GRIP1: variants seen among roughly 807,000 people sequenced by gnomAD.
GRIP1 encodes the protein glutamate receptor interacting protein 1, also known as glutamate receptor-interacting protein 1.
A neutral mutation model predicts 129.9 loss-of-function variants in GRIP1; 45 were observed. That is an observed-to-expected ratio of 0.35 (90% CI 0.27 to 0.44). The LOEUF is 0.44. GRIP1 is among the 20% of genes least tolerant of loss of function. The pLI is 1.00. For synonymous variants in GRIP1, 530 were observed against 520.8 expected (o/e 1.02, Z -0.24); for missense variants, 1,196 against 1,396.8 (o/e 0.86, Z 2.29).
intron 1 of GRIP1, among the ~76,000 whole-genome samples, chr12:66,893,737 T>G (rs2040699910): frequency 6.6e-6 from 1 of 152,216 alleles, no homozygotes; most frequent in Admixed American, 6.5e-5. Context: ...GCAATGTGAT[T>G]GCAGAGTCAA....
intron 5 of GRIP1, among the ~76,000 whole-genome samples, chr12:66,522,232 C>G (rs1195266152): frequency 6.6e-6 from 1 of 152,224 alleles, no homozygotes; most frequent in African/African-American, 2.4e-5. Context: ...CCCGAGCAGA[C>G]TAACTGGGAG....
chr12:66,350,590 C>T (rs1175399696), intron 24 of GRIP1, among the ~76,000 whole-genome samples: 1 of 152,226 alleles, frequency 6.6e-6, no homozygotes, highest in African/African-American at 2.4e-5. Context: ...CCAAGGGCAA[C>T]TTGTCCTAAA....
intron 1 of GRIP1, among the ~76,000 whole-genome samples, chr12:67,031,772 T>G (rs749050545): frequency 2.4e-4 from 36 of 152,156 alleles, no homozygotes; most frequent in Non-Finnish European, 4.4e-4. Flanking sequence ...CTCTCTCATC[T>G]CTTCTTTCTT....
chr12:66,584,527 C>T (rs1394419963), intron 2 of GRIP1, among the ~76,000 whole-genome samples: 1 of 152,060 alleles, frequency 6.6e-6, no homozygotes, highest in Non-Finnish European at 1.5e-5. Context: ...GAGCTGAGGT[C>T]ACGCCATTGC....
At chr12:67,059,357 C>G (rs566766418) in intron 1 of GRIP1, among the ~76,000 whole-genome samples, 43 of 152,290 alleles carry the variant, frequency 2.8e-4, no homozygotes, top group Non-Finnish European at 5.6e-4. Context: ...ATTCAAAGAT[C>G]AAATAGGAAA....
intron 1 of GRIP1, among the ~76,000 whole-genome samples, chr12:67,064,027 A>G (rs2135898255): frequency 6.6e-6 from 1 of 152,340 alleles, no homozygotes; most frequent in East Asian, 1.9e-4. Context: ...AAAAAAAAGG[A>G]AAAATATGCA....
At chr12:66,949,889 C>A (rs952028140) in intron 1 of GRIP1, among the ~76,000 whole-genome samples, 1 of 151,652 alleles carries the variant, frequency 6.6e-6, no homozygotes, top group Non-Finnish European at 1.5e-5. Flanking sequence ...TGCCTCAGCC[C>A]CCCCGAGTAG....
chr12:66,778,734 G>A (rs1388097430), intron 1 of GRIP1, among the ~76,000 whole-genome samples: 6 of 152,164 alleles, frequency 3.9e-5, no homozygotes, highest in African/African-American at 9.7e-5. Flanking sequence ...AGTGCTGGAG[G>A]TGCTCCAATC....
chr12:66,962,392 G>C (rs1280113055), intron 1 of GRIP1, among the ~76,000 whole-genome samples: 1 of 152,146 alleles, frequency 6.6e-6, no homozygotes, highest in East Asian at 1.9e-4. Context: ...TTTCTGATTA[G>C]AAGATAGTAA....
At chr12:67,002,998 G>A (rs2042574219) in intron 1 of GRIP1, among the ~76,000 whole-genome samples, 1 of 152,048 alleles carries the variant, frequency 6.6e-6, no homozygotes, top group Admixed American at 6.5e-5. Flanking sequence ...GTAACTGCAG[G>A]CATTAGGTTC....
intron 2 of GRIP1, among the ~76,000 whole-genome samples, chr12:66,583,970 G>T (rs2063509144): frequency 7.2e-6 from 1 of 139,626 alleles, no homozygotes; most frequent in South Asian, 2.3e-4. Context: ...TATGTTTATT[G>T]CGGCATTATT....
At chr12:66,374,699 G>T (rs559640304) in intron 22 of GRIP1, among the ~76,000 whole-genome samples, 1 of 152,214 alleles carries the variant, frequency 6.6e-6, no homozygotes, top group Non-Finnish European at 1.5e-5. Flanking sequence ...GCTTTGATGA[G>T]TCTTAGCTGC....
intron 1 of GRIP1, among the ~76,000 whole-genome samples, chr12:67,045,985 T>TG (rs1395357493): frequency 7.9e-5 from 12 of 152,170 alleles, no homozygotes; most frequent in Admixed American, 7.9e-4. Flanking sequence ...CTTCCCAATT[T>TG]GGGGGTGCAA....
chr12:66,993,995 T>C (rs1292018745), intron 1 of GRIP1, among the ~76,000 whole-genome samples: 4 of 152,032 alleles, frequency 2.6e-5, no homozygotes, highest in Non-Finnish European at 5.9e-5. Context: ...CTATAACAAC[T>C]AAAGCAATTA....
intron 2 of GRIP1, among the ~76,000 whole-genome samples, chr12:66,580,429 GA>G (rs2139603441): frequency 6.6e-6 from 1 of 152,060 alleles, no homozygotes; most frequent in African/African-American, 2.4e-5. Flanking sequence ...AATGTAAAGG[GA>G]CTAAATGCTC....
At chr12:66,541,784 C>T (rs1192372464) in intron 3 of GRIP1, 31 bp downstream of exon 3, 1 of 1,609,522 alleles carries the variant, frequency 6.2e-7, no homozygotes, top group Non-Finnish European at 8.5e-7. Context: ...CCCTGTGTTC[C>T]TTTCAGTAGA....
At chr12:66,387,681 A>G (rs1164747941) in intron 19 of GRIP1, among the ~76,000 whole-genome samples, 2 of 152,206 alleles carry the variant, frequency 1.3e-5, no homozygotes, top group South Asian at 2.1e-4. Context: ...CAAAGCCATC[A>G]CCTCTATAAA....
At chr12:66,920,312 C>A (rs966846678) in intron 1 of GRIP1, among the ~76,000 whole-genome samples, 2 of 152,138 alleles carry the variant, frequency 1.3e-5, no homozygotes, top group African/African-American at 4.8e-5. Context: ...CTCCCGCCTA[C>A]CCAGCTTAAT....
intron 7 of GRIP1, among the ~76,000 whole-genome samples, chr12:66,475,939 A>G (rs561296136): frequency 6.6e-6 from 1 of 151,746 alleles, no homozygotes; most frequent in South Asian, 2.1e-4. Flanking sequence ...GTGATCTAAA[A>G]AAGATCACAA....
Sources: gnomAD v4.1 joint callset for allele counts (sites outside exome capture counted in the v4.1 genomes callset) on GRCh38, gnomAD v4.1.1 for gene constraint, MANE v1.5 for transcripts, NCBI Gene and HGNC (gene_info 2026-07-23, HGNC 2026-07-21) for gene names.